The following TNNI3K variants were observed in gnomAD, a reference collection of about 807,000 sequenced individuals.
TNNI3K encodes the protein serine/threonine-protein kinase TNNI3K.
TNNI3K carries 140 observed loss-of-function variants against 114.5 expected under a neutral mutation model. The ratio of observed to expected loss-of-function variants is 1.22; its 90% CI spans 1.07 to 1.41. The LOEUF (loss-of-function observed/expected upper bound fraction) is 1.41, where lower values mean the gene tolerates loss of function less well. Among genes scored for constraint, TNNI3K ranks in the 40% most tolerant of loss-of-function variants. The pLI, the probability that TNNI3K is intolerant of heterozygous loss-of-function variation, is 0.00. For missense variants in TNNI3K, 1,125 were observed against 1,007.6 expected (o/e 1.12, Z -1.58); for synonymous variants, 347 against 347.5 (o/e 1.00, Z 0.02).
chr1:74,442,483 A>G (rs1369670550), intron 20 of TNNI3K, among the ~76,000 whole-genome samples: 3 of 152,058 alleles, frequency 2.0e-5, no homozygotes, highest in South Asian at 2.1e-4. Context: ...CAGCTTGTCT[A>G]TATTCCTATA....
At chr1:74,435,022 A>G (rs956850583) in intron 17 of TNNI3K, among the ~76,000 whole-genome samples, 1 of 152,026 alleles carries the variant, frequency 6.6e-6, no homozygotes, top group Non-Finnish European at 1.5e-5. Context: ...TATGTAATTT[A>G]TTATAAAATA....
intron 18 of TNNI3K, 43 bp downstream of exon 18, chr1:74,436,175 G>A: frequency 1.2e-6 from 2 of 1,605,400 alleles, no homozygotes; most frequent in Non-Finnish European, 1.7e-6. Flanking sequence ...TTTGTTCCTA[G>A]CTGGTACAAT....
chr1:74,463,509 A>G lies in TNNI3K; in HGVS notation c.2080A>G (p.Ile694Val), dbSNP rs139015168. Residue 694 changes from isoleucine to valine, a missense_variant, in exon 21 of 25, where the codon ATA becomes GTA. Physicochemically the swap from Ile to Val is conservative, Grantham distance 29. Transcript: ENST00000326637. ...PPIGYSIPKP[I>V]SSLLIRGWNA... ...CATTGGCTATTCCATTCCCAAGCCC[A>G]TATCATCTCTGCTGATACGAGGGTG... 12 of 1,614,116 alleles carry G rather than the reference A, an allele frequency of 7.4e-6. No homozygotes were observed. Among genetic ancestry groups the G allele is most frequent in the African/African-American group, 2.7e-5 (2 of 74,934 alleles).
intron 2 of TNNI3K, among the ~76,000 whole-genome samples, chr1:74,239,245 A>T (rs1654039758): frequency 6.6e-6 from 1 of 152,234 alleles, no homozygotes; most frequent in Non-Finnish European, 1.5e-5. Context: ...AATTGCTTCC[A>T]GGGCAGAGTT....
At chr1:74,416,350 G>A in intron 17 of TNNI3K, 3 of 985,156 alleles carry the variant, frequency 3.0e-6, no homozygotes, top group Non-Finnish European at 2.4e-6. Context: ...CACTAATGAT[G>A]GAGAGTAACG....
At chr1:74,367,693 T>G (rs1017248159) in intron 12 of TNNI3K, among the ~76,000 whole-genome samples, 1 of 151,990 alleles carries the variant, frequency 6.6e-6, no homozygotes, top group Admixed American at 6.6e-5. Context: ...AAATTAAATC[T>G]GCTAGAGTCT....
rs1249509769 is a variant in TNNI3K, at chr1:74,475,504, T to A, written c.2121+11954T>A. On this transcript the variant is annotated intron_variant, in intron 21 of 24. Transcript: ENST00000326637. ...AGTGCTGCCTACCCCACGGTCTTTC[T>A]TTTTCAGGTTTCTAAATGATCCGTC... 7 of 716,886 alleles carry A rather than the reference T, an allele frequency of 9.8e-6. 1 individual carries two copies. The South Asian group carries it at 1.0e-4, about 11-fold the overall frequency. The allele number at this position is 716,886 out of a possible 1,614,324, so 44.4% of individuals were successfully genotyped here.
At chr1:74,335,689 G>A (rs554769290) in intron 6 of TNNI3K, among the ~76,000 whole-genome samples, 1 of 152,248 alleles carries the variant, frequency 6.6e-6, no homozygotes, top group East Asian at 1.9e-4. Flanking sequence ...AAAAATGGTC[G>A]CTTGTTCCAA....
intron 7 of TNNI3K, among the ~76,000 whole-genome samples, chr1:74,341,345 G>A (rs544451506): frequency 6.6e-6 from 1 of 152,202 alleles, no homozygotes; most frequent in South Asian, 2.1e-4. Context: ...TTTATTAAAT[G>A]TCTAGTATGG....
chr1:74,518,288 T>C (rs1383022161), intron 23 of TNNI3K, among the ~76,000 whole-genome samples: 1 of 152,158 alleles, frequency 6.6e-6, no homozygotes, highest in East Asian at 1.9e-4. Context: ...TTAACAGAAA[T>C]TGAAAGGAGT....
chr1:74,281,741 C>T (rs1557471674), intron 5 of TNNI3K, among the ~76,000 whole-genome samples: 2 of 151,916 alleles, frequency 1.3e-5, no homozygotes, highest in Non-Finnish European at 2.9e-5. Context: ...CTATATAAAA[C>T]ATATTAAAAA....
chr1:74,368,591 CA>C (rs747733524), intron 13 of TNNI3K, among the ~76,000 whole-genome samples: 1 of 151,760 alleles, frequency 6.6e-6, no homozygotes, highest in African/African-American at 2.4e-5. Context: ...AGAGAGTTAC[CA>C]GATCAGAACC....
At chr1:74,276,999 G>T (rs1161026822) in intron 5 of TNNI3K, among the ~76,000 whole-genome samples, 2 of 152,030 alleles carry the variant, frequency 1.3e-5, no homozygotes, top group African/African-American at 4.8e-5. Flanking sequence ...CAATACATTT[G>T]CATATGCTTC....
chr1:74,305,552 A>C (rs483187), intron 5 of TNNI3K, among the ~76,000 whole-genome samples: 150,919 of 152,284 alleles, frequency 0.99, 74,801 homozygotes, highest in Middle Eastern at 1. Context: ...TCTTTCTGCC[A>C]AGTGGAAGGG....
intron 11 of TNNI3K, among the ~76,000 whole-genome samples, chr1:74,365,158 A>C (rs1455009892): frequency 6.6e-6 from 1 of 152,124 alleles, no homozygotes; most frequent in African/African-American, 2.4e-5. Context: ...TATTACATAC[A>C]TCATCTTAGT....
chr1:74,538,363 G>T (rs1646685327), intron 23 of TNNI3K, among the ~76,000 whole-genome samples: 1 of 151,786 alleles, frequency 6.6e-6, no homozygotes. Context: ...ATGACTGGGG[G>T]GTAGAATGTC....
intron 17 of TNNI3K, among the ~76,000 whole-genome samples, chr1:74,389,203 C>T (rs1378486749): frequency 6.6e-6 from 1 of 152,044 alleles, no homozygotes; most frequent in African/African-American, 2.4e-5. Context: ...AGACGGAAGC[C>T]ATGGGAAAGC....
intron 6 of TNNI3K, among the ~76,000 whole-genome samples, chr1:74,334,359 T>TC (rs1202317375): frequency 4.6e-5 from 7 of 152,166 alleles, no homozygotes; most frequent in Admixed American, 3.9e-4. Flanking sequence ...ATTTGCTGAC[T>TC]CATGGGAAGT....
At position 74,544,084 on chromosome 1, in the gene TNNI3K, G is replaced by T; in HGVS notation, c.*102G>T. On this transcript the variant is annotated 3_prime_UTR_variant, in exon 25 of 25. Transcript: ENST00000326637. ...CCAACTATAACATTTTACTCTCAAA[G>T]GTCTCCTTAAATTGGGCTTGTTTTT... The T allele has an allele frequency of 7.7e-7, 1 of 1,305,380 alleles. No individual in the cohort carries two copies. Among genetic ancestry groups the T allele is most frequent in the Non-Finnish European group, 1.0e-6 (1 of 957,490 alleles). 80.9% of individuals were successfully genotyped at this position (1,305,380 alleles called of 1,614,324 possible). A position where few individuals can be genotyped will look rare whatever the true frequency, so the allele number is the denominator to read the frequency against.
Sources: gnomAD v4.1 joint callset for allele counts (sites outside exome capture counted in the v4.1 genomes callset) on GRCh38, gnomAD v4.1.1 for gene constraint, MANE v1.5 for transcripts, NCBI Gene and HGNC (gene_info 2026-07-23, HGNC 2026-07-21) for gene names.